The following C6 variants were observed in gnomAD, a reference collection of about 807,000 sequenced individuals.
C6 encodes the protein complement component C6.
Under a neutral mutation model 112.9 loss-of-function variants are expected in C6, and 101 were observed. The observed-to-expected ratio is 0.89, with a 90% CI of 0.76 to 1.06. The LOEUF (loss-of-function observed/expected upper bound fraction) is 1.06. C6 is among the 50% of genes least tolerant of loss of function. C6 has a pLI of 0.00. For synonymous variants in C6, 431 were observed against 384.1 expected (o/e 1.12, Z -1.43); for missense variants, 1,202 against 1,104.6 (o/e 1.09, Z -1.25).
At position 41,161,738 on chromosome 5, in the gene C6, C is replaced by G. The variant is rs1458516505; in HGVS notation, c.1413G>C (p.Glu471Asp). The change falls in exon 10 of 18, where the codon GAG (glutamate) becomes GAC (aspartate). Residue 471 changes from glutamate to aspartate, a missense_variant. Coordinates refer to ENST00000337836, the MANE Select transcript of C6 (RefSeq NM_000065.5). ...GATTTTCCTTCACTGATTCTAACCA[C>G]TCAGAAAATGTCTTCTCCTCCAGAC... ...SSGLEEKTFSEWLESVKENPA... is the reference protein window; with the variant it reads ...SSGLEEKTFSDWLESVKENPA... 1 of 1,613,638 alleles carries G rather than the reference C, an allele frequency of 6.2e-7. No homozygotes were observed. The highest frequency in any genetic ancestry group is 2.2e-5 in the East Asian group (1 of 44,842).
In C6 at chr5:41,192,935, G is replaced by T. The variant is rs537497598; in HGVS notation, c.587+2857C>A. On this transcript the variant is annotated intron_variant, in intron 5 of 17. Coordinates refer to ENST00000337836, the MANE Select transcript of C6 (RefSeq NM_000065.5). ...ACAAAGGTTTTACTTTGGGTATGTT[G>T]AAAACATTCTAAAATTATATCATGG... Among the ~76,000 whole-genome samples the T allele has an allele frequency of 2.0e-5, 3 of 152,228 alleles. No homozygotes were observed. In the East Asian group the frequency reaches 5.8e-4, roughly 29 times the overall value.
chr5:41,162,858 A>T (rs1175660532), intron 9 of C6, among the ~76,000 whole-genome samples: 1 of 152,216 alleles, frequency 6.6e-6, no homozygotes, highest in Non-Finnish European at 1.5e-5. Context: ...AAGGTATACA[A>T]GGAAAATTTT....
At chr5:41,147,994 A>G (rs1745998711) in intron 17 of C6, among the ~76,000 whole-genome samples, 1 of 152,192 alleles carries the variant, frequency 6.6e-6, no homozygotes, top group East Asian at 1.9e-4. Context: ...TCTTTACTAT[A>G]TGTTCTAGGA....
intron 9 of C6, among the ~76,000 whole-genome samples, chr5:41,166,898 G>T (rs1384150051): frequency 1.3e-5 from 2 of 152,038 alleles, no homozygotes; most frequent in African/African-American, 4.8e-5. Flanking sequence ...CTTAAGCAAT[G>T]CAGAAAAGCA....
In C6 at chr5:41,153,864, ATG is replaced by A; in HGVS notation, c.2234_2235del (p.Thr745MetfsTer17). ...GGTGGTGTCCAGGAATTCCCCTGGC[ATG>A]TGTACCTTGATGGCCCAGCAACAAC... ...GFVVAGPSRY[T>X]CQGNSWTPPI... is the part of the protein sequence containing the mutation. On this transcript the variant is annotated frameshift_variant, in exon 15 of 18. Coordinates refer to ENST00000337836, the MANE Select transcript of C6 (RefSeq NM_000065.5). LOFTEE classifies it high-confidence loss of function. 6.2e-7 allele frequency: 1 copy of A among 1,613,728 alleles called. No individual in the cohort carries two copies. The highest frequency in any genetic ancestry group is 8.5e-7 in the Non-Finnish European group (1 of 1,179,832).
intron 6 of C6, among the ~76,000 whole-genome samples, chr5:41,181,872 T>G (rs1353812628): frequency 6.6e-6 from 1 of 152,206 alleles, no homozygotes; most frequent in African/African-American, 2.4e-5. Flanking sequence ...AGCTGAGACT[T>G]AACAGGGTGA....
At chr5:41,190,238 G>A (rs1053610661) in intron 5 of C6, among the ~76,000 whole-genome samples, 5 of 152,148 alleles carry the variant, frequency 3.3e-5, no homozygotes, top group African/African-American at 4.8e-5. Flanking sequence ...AACAGTGTAT[G>A]AGCTTCCTTT....
At chr5:41,148,012 T>C (rs555671595) in intron 17 of C6, among the ~76,000 whole-genome samples, 49 of 152,302 alleles carry the variant, frequency 3.2e-4, no homozygotes, top group South Asian at 2.1e-3. Flanking sequence ...GGAAATATAA[T>C]ATGGCAAAAA....
chr5:41,239,733 C>A (rs1343314054), intron 1 of C6, among the ~76,000 whole-genome samples: 1 of 152,076 alleles, frequency 6.6e-6, no homozygotes, highest in Non-Finnish European at 1.5e-5. Context: ...TTGATAATAG[C>A]AGATATCTTC....
At chr5:41,164,922 AT>A (rs1359734081) in intron 9 of C6, among the ~76,000 whole-genome samples, 1 of 152,200 alleles carries the variant, frequency 6.6e-6, no homozygotes, top group Non-Finnish European at 1.5e-5. Flanking sequence ...GAGCACACCC[AT>A]ATAATCACTG....
At chr5:41,248,899 C>T (rs756235924) in intron 1 of C6, among the ~76,000 whole-genome samples, 3 of 151,758 alleles carry the variant, frequency 2.0e-5, no homozygotes, top group African/African-American at 7.3e-5. Context: ...TTCACAATAG[C>T]AAAGATATGG....
intron 7 of C6, among the ~76,000 whole-genome samples, chr5:41,180,498 T>TGAAGAATGATTAACAGGG (rs150842208): frequency 0.022 from 3,291 of 152,216 alleles, 126 homozygotes; most frequent in African/African-American, 0.075. Context: ...AAGGAACACA[T>TGAAGAATGATTAACAGGG]GAAGCTGTAG....
At chr5:41,191,901 T>A (rs923091651) in intron 5 of C6, among the ~76,000 whole-genome samples, 1 of 152,138 alleles carries the variant, frequency 6.6e-6, no homozygotes, top group African/African-American at 2.4e-5. Flanking sequence ...ATTTATTTCT[T>A]TTCCTTGCCT....
At chr5:41,175,626 C>T (rs1748776636) in intron 8 of C6, among the ~76,000 whole-genome samples, 1 of 152,186 alleles carries the variant, frequency 6.6e-6, no homozygotes, top group African/African-American at 2.4e-5. Context: ...CATTTAGGGG[C>T]TCTGCTCTGA....
chr5:41,203,323 G>A, intron 1 of C6, 73 bp from the exon 2 acceptor site: 2 of 1,482,970 alleles, frequency 1.3e-6, no homozygotes, highest in Non-Finnish European at 1.9e-6. Flanking sequence ...TCCTGAGTCA[G>A]AGATTCAAAT....
intron 5 of C6, among the ~76,000 whole-genome samples, chr5:41,190,160 G>C (rs1488977098): frequency 1.3e-5 from 2 of 152,096 alleles, no homozygotes; most frequent in African/African-American, 2.4e-5. Flanking sequence ...TGGCAGTGCT[G>C]TTTGTAGTTT....
chr5:41,153,896 C>T lies in C6; in HGVS notation c.2204G>A (p.Gly735Asp), dbSNP rs1185381042. The T allele has an allele frequency of 3.7e-6, 6 of 1,613,728 alleles. No individual in the cohort carries two copies. The highest frequency in any genetic ancestry group is 2.2e-5 in the South Asian group (2 of 91,086). ...GESIELTCPK[G>D]FVVAGPSRYT... ...CCTTGATGGCCCAGCAACAACAAAG[C>T]CTTTGGGGCAAGTTAGCTCAATGGA... Residue 735 changes from glycine to aspartate, a missense_variant, in exon 15 of 18, where the codon GGC (glycine) becomes GAC (aspartate). Physicochemically the swap from Gly to Asp is moderately conservative, Grantham distance 94. Coordinates refer to ENST00000337836, the MANE Select transcript of C6 (RefSeq NM_000065.5).
Position 41,149,343 on chromosome 5 carries a change from G to T in C6, c.2521C>A (p.Arg841Ser), listed in dbSNP as rs187593836. The T allele has an allele frequency of 6.2e-7, 1 of 1,613,974 alleles. No homozygotes were observed. Among genetic ancestry groups the T allele is most frequent in the Admixed American group, 1.7e-5 (1 of 59,998 alleles). Residue 841 changes from arginine to serine, a missense_variant, in exon 17 of 18, where the codon CGC becomes AGC. Coordinates refer to ENST00000337836, the MANE Select transcript of C6 (RefSeq NM_000065.5). The part of the protein sequence containing the change: ...FLHIGSCQDG[R>S]QLEWGLERTR... The stretch of plus-strand genomic sequence containing the variant: ...CTTTCAAGACCCCATTCTAACTGGC[G>T]GCCGTCTTGGCAGGAACCAATATGT...
chr5:41,234,742 C>G (rs1452072446), intron 1 of C6, among the ~76,000 whole-genome samples: 2 of 152,106 alleles, frequency 1.3e-5, no homozygotes, highest in Non-Finnish European at 2.9e-5. Context: ...GTCATGTTCA[C>G]TAGTAACTTG....
Sources: allele counts gnomAD v4.1 joint callset (sites outside exome capture counted in the v4.1 genomes callset), GRCh38; gene constraint gnomAD v4.1.1; transcripts MANE v1.5; gene names NCBI Gene and HGNC (gene_info 2026-07-23, HGNC 2026-07-21).